The following PUS7 variants were observed in gnomAD, a reference collection of about 807,000 sequenced individuals.
The protein encoded by PUS7 is pseudouridine synthase 7.
A neutral mutation model predicts 79.8 loss-of-function variants in PUS7; 48 were observed. That is an observed-to-expected ratio of 0.60 (90% confidence interval 0.48 to 0.76). PUS7 has a LOEUF of 0.76. PUS7 is among the 30% of genes least tolerant of loss of function. The pLI is 0.00. For synonymous variants in PUS7, 286 were observed against 272.2 expected, an observed-to-expected ratio of 1.05 and a Z score of -0.50; for missense variants, 729 against 797.6, an observed-to-expected ratio of 0.91 and a Z score of 1.04.
Position 105,506,038 on chromosome 7 carries a change from A to G in PUS7, c.502T>C (p.Phe168Leu). Residue 168 changes from phenylalanine to leucine, a missense_variant, in exon 4 of 16, where the codon TTT (phenylalanine) becomes CTT (leucine). By Grantham distance (22) the Phe-to-Leu change is conservative (BLOSUM62 0). Transcript: ENST00000469408. ...VDEEDPSEDI[F>L]TVLTAEEKQR... is the part of the protein sequence containing the mutation. ...TTTTCTTCAGCTGTCAAAACTGTAA[A>G]TATGTCTTCTGAAGGGTCCTTTAAA... 6.2e-7 allele frequency: 1 copy of G among 1,613,810 alleles called. No individual in the cohort carries two copies. The highest frequency in any genetic ancestry group is 2.2e-5 in the East Asian group (1 of 44,870).
chr7:105,461,064 G>C (rs539357648), intron 14 of PUS7, among the ~76,000 whole-genome samples: 141 of 152,150 alleles, frequency 9.3e-4, no homozygotes, highest in African/African-American at 3.3e-3. Flanking sequence ...AGATGGTCTT[G>C]CTATGTTGCG....
At chr7:105,476,074 A>G (rs1824094988) in intron 9 of PUS7, among the ~76,000 whole-genome samples, 1 of 143,440 alleles carries the variant, frequency 7.0e-6, no homozygotes, top group Admixed American at 7.3e-5. Context: ...CAATGGGCTG[A>G]GATGGCGCCA....
chr7:105,472,186 G>T lies in PUS7; in HGVS notation c.1183C>A (p.Leu395Ile). The change falls in exon 10 of 16, where the codon CTA becomes ATA. Residue 395 changes from leucine to isoleucine, a missense_variant. By Grantham distance (5) the Leu-to-Ile change is conservative. Transcript: ENST00000469408. ...VPTYQVGRAILQNSWTEVMDL... is the reference protein window; with the variant it reads ...VPTYQVGRAIIQNSWTEVMDL... ...ATGACTTCTGTCCAGGAATTTTGTAGTATAGCTCTAAAATTAAACAACATT... is the reference window on the plus strand; with the variant it reads ...ATGACTTCTGTCCAGGAATTTTGTATTATAGCTCTAAAATTAAACAACATT... The T allele has an allele frequency of 6.3e-7, 1 of 1,579,902 alleles. No homozygotes were observed. The highest frequency in any genetic ancestry group is 8.7e-7 in the Non-Finnish European group (1 of 1,151,216).
chr7:105,488,461 C>T (rs1300538363), intron 7 of PUS7, among the ~76,000 whole-genome samples: 2 of 152,054 alleles, frequency 1.3e-5, no homozygotes, highest in African/African-American at 4.8e-5. Flanking sequence ...AGAAAAAAGA[C>T]AAACCACATT....
At chr7:105,489,735 A>G (rs979176414) in intron 7 of PUS7, among the ~76,000 whole-genome samples, 1 of 152,214 alleles carries the variant, frequency 6.6e-6, no homozygotes, top group Non-Finnish European at 1.5e-5. Context: ...GAATCAGAAA[A>G]GTAGTGGGAA....
chr7:105,515,627 T>C (rs1384124654), intron 1 of PUS7, among the ~76,000 whole-genome samples: 1 of 152,168 alleles, frequency 6.6e-6, no homozygotes, highest in South Asian at 2.1e-4. Flanking sequence ...GGCCCTATCA[T>C]AGACAAATTA....
chr7:105,479,738 C>T (rs1370942465), intron 9 of PUS7, among the ~76,000 whole-genome samples: 2 of 152,090 alleles, frequency 1.3e-5, no homozygotes, highest in African/African-American at 2.4e-5. Context: ...TGGCTCATGC[C>T]TGTAATCCCA....
Position 105,470,852 on chromosome 7 carries a change from C to A in PUS7, c.1238-4G>T. The A allele has an allele frequency of 6.4e-7, 1 of 1,568,736 alleles. No individual in the cohort carries two copies. The highest frequency in any genetic ancestry group is 1.2e-5 in the South Asian group (1 of 86,528). ...TTAACCAAGTAGCCCTTTTCAGCTG[C>A]GGGGGGAAAAAGCTAGGGTTAAATG... On this transcript the variant is annotated splice_polypyrimidine_tract_variant and splice_region_variant and intron_variant, in intron 10 of 15. Transcript: ENST00000469408.
intron 7 of PUS7, among the ~76,000 whole-genome samples, chr7:105,485,776 A>C (rs987672600): frequency 6.6e-6 from 1 of 152,220 alleles, no homozygotes; most frequent in Non-Finnish European, 1.5e-5. Context: ...GTCATGTTCC[A>C]GTATGAAATT....
intron 13 of PUS7, among the ~76,000 whole-genome samples, chr7:105,464,727 G>A (rs1481553148): frequency 1.3e-5 from 2 of 151,420 alleles, no homozygotes; most frequent in East Asian, 3.9e-4. Flanking sequence ...GGCTTTCCCA[G>A]TTCTCCCATT....
intron 5 of PUS7, 83 bp from the exon 6 acceptor site, chr7:105,495,336 G>T: frequency 1.3e-6 from 1 of 790,614 alleles, no homozygotes. Flanking sequence ...TAGAACCTTT[G>T]AGTGGAAAAT....
chr7:105,510,666 ACCACG>A (rs1825667084), intron 1 of PUS7, among the ~76,000 whole-genome samples: 2 of 151,998 alleles, frequency 1.3e-5, no homozygotes, highest in South Asian at 4.2e-4. Flanking sequence ...GGCGTGTACC[ACCACG>A]CCTGGCTAAT....
chr7:105,492,592 G>C (rs1368020481), intron 6 of PUS7, among the ~76,000 whole-genome samples: 1 of 139,588 alleles, frequency 7.2e-6, no homozygotes, highest in Non-Finnish European at 1.5e-5. Flanking sequence ...TGCAAGCTCC[G>C]CCTCCCGGGT....
intron 7 of PUS7, among the ~76,000 whole-genome samples, chr7:105,487,410 A>G (rs1217949194): frequency 6.6e-6 from 1 of 152,208 alleles, no homozygotes; most frequent in African/African-American, 2.4e-5. Flanking sequence ...TTTTAAGTAT[A>G]TATCAGTATT....
chr7:105,473,618 C>T (rs767996191), intron 9 of PUS7, among the ~76,000 whole-genome samples: 4 of 151,424 alleles, frequency 2.6e-5, no homozygotes, highest in Non-Finnish European at 4.4e-5. Flanking sequence ...GGGGTTGTGC[C>T]ATGTTGGCCA....
At chr7:105,486,338 C>T (rs1407977691) in intron 7 of PUS7, among the ~76,000 whole-genome samples, 4 of 152,178 alleles carry the variant, frequency 2.6e-5, no homozygotes, top group Non-Finnish European at 5.9e-5. Context: ...CAGGCGTGAG[C>T]CACCGCACCC....
At chr7:105,500,010 A>C (rs1050615653) in intron 5 of PUS7, among the ~76,000 whole-genome samples, 2 of 152,094 alleles carry the variant, frequency 1.3e-5, no homozygotes, top group Admixed American at 1.3e-4. Context: ...TATAAAAATG[A>C]ATGCAGGCTC....
intron 12 of PUS7, 100 bp downstream of exon 12, chr7:105,468,237 C>T (rs982418346): frequency 3.4e-6 from 5 of 1,481,122 alleles, no homozygotes; most frequent in South Asian, 1.4e-5. Context: ...CTCACCACAT[C>T]TCTCTTTCTT....
At chr7:105,476,123 CA>C (rs958626613) in intron 9 of PUS7, among the ~76,000 whole-genome samples, 4,424 of 39,166 alleles carry the variant, frequency 0.11, 42 homozygotes, top group Middle Eastern at 0.17. Flanking sequence ...GACTCCGTCT[CA>C]AAAAAAAAAA....
Sources: allele counts gnomAD v4.1 joint callset (sites outside exome capture counted in the v4.1 genomes callset), GRCh38; gene constraint gnomAD v4.1.1; transcripts MANE v1.5; gene names NCBI Gene and HGNC (gene_info 2026-07-23, HGNC 2026-07-21).